Variants in MUCL1 observed in about 807,000 individuals in gnomAD.
MUCL1 encodes the protein mucin like 1.
MUCL1 carries 11 observed loss-of-function variants against 9.2 expected under a neutral mutation model. The ratio of observed to expected loss-of-function variants is 1.19; its 90% CI spans 0.75 to 1.97. The LOEUF (loss-of-function observed/expected upper bound fraction) is 1.97, where lower values mean the gene tolerates loss of function less well. MUCL1 is among the 30% of genes most tolerant of loss of function. The probability of loss-of-function intolerance (pLI) is 0.00; values close to 1 mark genes in which losing one functional copy is unlikely to be tolerated. For synonymous variants in MUCL1, 48 were observed against 40.5 expected, an observed-to-expected ratio of 1.19 and a Z score of -0.71; for missense variants, 144 against 110.9, an observed-to-expected ratio of 1.30 and a Z score of -1.34.
chr12:54,858,071 C>A (rs1482644090), intron 3 of MUCL1, 122 bp from the exon 4 acceptor site: 2 of 1,200,180 alleles, frequency 1.7e-6, no homozygotes, highest in Non-Finnish European at 1.2e-6. Flanking sequence ...TCCCATGTTC[C>A]TTTCGAATCC....
upstream of MUCL1, among the ~76,000 whole-genome samples, chr12:54,835,171 A>G (rs1959190948): frequency 6.6e-6 from 1 of 152,096 alleles, no homozygotes; most frequent in African/African-American, 2.4e-5. Flanking sequence ...GGGCACTTAT[A>G]TTGGCTCCAT....
chr12:54,855,330 G>T, intron 2 of MUCL1, 173 bp downstream of exon 2: 2 of 609,952 alleles, frequency 3.3e-6, no homozygotes, highest in South Asian at 1.9e-5. Flanking sequence ...TAGTGAATCT[G>T]CTTATTTCTT....
upstream of MUCL1, among the ~76,000 whole-genome samples, chr12:54,850,817 A>G (rs1479251232): frequency 1.3e-5 from 2 of 152,100 alleles, no homozygotes; most frequent in Non-Finnish European, 2.9e-5. Context: ...CCTCTCCAGT[A>G]CCTGTTGTTT....
chr12:54,835,657 G>T (rs1362037538), upstream of MUCL1, among the ~76,000 whole-genome samples: 1 of 149,232 alleles, frequency 6.7e-6, no homozygotes, highest in Non-Finnish European at 1.5e-5. Context: ...CTTGTTCCAG[G>T]TCTTCGTGGG....
At chr12:54,856,661 G>A (rs1868301678) in intron 2 of MUCL1, 109 bp from the exon 3 acceptor site, 1 of 1,420,994 alleles carries the variant, frequency 7.0e-7, no homozygotes, top group African/African-American at 1.4e-5. Flanking sequence ...ACTGATGACA[G>A]ATTTGCAGAG....
intron 2 of MUCL1, among the ~76,000 whole-genome samples, chr12:54,856,204 G>A (rs908324583): frequency 1.1e-4 from 16 of 152,172 alleles, no homozygotes; most frequent in African/African-American, 3.1e-4. Flanking sequence ...AGTCCAAGCT[G>A]CCACAGAGGG....
At chr12:54,836,182 G>T (rs1310487690), upstream of MUCL1, among the ~76,000 whole-genome samples, 1 of 152,120 alleles carries the variant, frequency 6.6e-6, no homozygotes, top group Non-Finnish European at 1.5e-5. Context: ...TTGAAGGTCT[G>T]GTAGACTTTG....
chr12:54,851,543 G>A (rs1366274426), upstream of MUCL1, among the ~76,000 whole-genome samples: 2 of 152,148 alleles, frequency 1.3e-5, no homozygotes, highest in Non-Finnish European at 2.9e-5. Flanking sequence ...CAAACCCACA[G>A]CCAATATCAT....
chr12:54,832,865 T>A (rs1959187232), intron 1 of MUCL1, among the ~76,000 whole-genome samples: 1 of 152,118 alleles, frequency 6.6e-6, no homozygotes, highest in Non-Finnish European at 1.5e-5. Context: ...AGAAATCATA[T>A]AAAATTTCTA....
chr12:54,834,891 C>T (rs573430889), upstream of MUCL1, among the ~76,000 whole-genome samples: 1 of 152,166 alleles, frequency 6.6e-6, no homozygotes, highest in South Asian at 2.1e-4. Context: ...TTATTCCTCA[C>T]CTTCCTTCCA....
upstream of MUCL1, among the ~76,000 whole-genome samples, chr12:54,834,845 C>A (rs7970316): frequency 6.6e-6 from 1 of 152,036 alleles, no homozygotes; most frequent in Non-Finnish European, 1.5e-5. Flanking sequence ...GCACCTGTCA[C>A]CCGAGCAGTG....
At chr12:54,856,626 G>A in intron 2 of MUCL1, 144 bp from the exon 3 acceptor site, 1 of 1,105,354 alleles carries the variant, frequency 9.0e-7, no homozygotes, top group East Asian at 2.6e-5. Context: ...AGGAAAGTAG[G>A]CAGGTAGGCT....
At chr12:54,833,080 T>C (rs1342213257) in intron 1 of MUCL1, among the ~76,000 whole-genome samples, 1 of 152,118 alleles carries the variant, frequency 6.6e-6, no homozygotes, top group Non-Finnish European at 1.5e-5. Context: ...ATTTTTGATA[T>C]CTAGAAGAGT....
At chr12:54,834,747 T>TATATTTTTTATATATATATATATAAAA (rs1959190142), upstream of MUCL1, among the ~76,000 whole-genome samples, 2 of 151,988 alleles carry the variant, frequency 1.3e-5, no homozygotes, top group Non-Finnish European at 2.9e-5. Flanking sequence ...AATAAATATA[T>TATATTTTTTATATATATATATATAAAA]ATATTTTTTA....
At chr12:54,844,267 G>C (rs965540661) in intron 1 of MUCL1, among the ~76,000 whole-genome samples, 1 of 152,078 alleles carries the variant, frequency 6.6e-6, no homozygotes, top group Admixed American at 6.6e-5. Flanking sequence ...GGGGGATAAT[G>C]TATTATGAAT....
At chr12:54,846,116 A>G (rs1948142) in intron 1 of MUCL1, among the ~76,000 whole-genome samples, 68,772 of 151,988 alleles carry the variant, frequency 0.45, 16,549 homozygotes, top group East Asian at 0.84. Flanking sequence ...CTGGGCGAGA[A>G]CTTGAGATAC....
upstream of MUCL1, among the ~76,000 whole-genome samples, chr12:54,835,193 G>A (rs1191151339): frequency 2.0e-5 from 3 of 152,114 alleles, no homozygotes; most frequent in South Asian, 6.2e-4. Flanking sequence ...TTTTTGCAAT[G>A]TTGAATTCTG....
At chr12:54,847,591 G>A (rs1262888806) in intron 1 of MUCL1, among the ~76,000 whole-genome samples, 2 of 152,006 alleles carry the variant, frequency 1.3e-5, no homozygotes, top group African/African-American at 2.4e-5. Context: ...CTCCAGCATG[G>A]GCATCAAGAG....
intron 2 of MUCL1, among the ~76,000 whole-genome samples, chr12:54,856,455 C>A (rs1048367046): frequency 2.0e-5 from 3 of 152,154 alleles, no homozygotes; most frequent in Non-Finnish European, 4.4e-5. Context: ...TGCTTCTGAG[C>A]AGTAGTCCCT....
Sources: gnomAD v4.1 joint callset for allele counts (sites outside exome capture counted in the v4.1 genomes callset) on GRCh38, gnomAD v4.1.1 for gene constraint, MANE v1.5 for transcripts, NCBI Gene and HGNC (gene_info 2026-07-23, HGNC 2026-07-21) for gene names.